The following ACTA2 variants were observed in gnomAD, a reference collection of about 807,000 sequenced individuals.
ACTA2 encodes the protein actin alpha 2, smooth muscle, also known as actin, aortic smooth muscle.
A neutral mutation model predicts 39.5 loss-of-function variants in ACTA2; 12 were observed. That is an observed-to-expected ratio of 0.30 (90% CI 0.19 to 0.49). ACTA2 has a LOEUF of 0.49. Among genes scored for constraint, ACTA2 ranks in the 20% least tolerant of loss-of-function variants. The probability of loss-of-function intolerance (pLI) is 0.99; values close to 1 mark genes in which losing one functional copy is unlikely to be tolerated. For synonymous variants in ACTA2, 158 were observed against 180.6 expected (o/e 0.88, Z 1.00); for missense variants, 236 against 498.8 (o/e 0.47, Z 5.02).
chr10:88,991,130 G>T (rs868444365), exon 1 of ACTA2: 6 of 623,800 alleles, frequency 9.6e-6, no homozygotes, highest in Non-Finnish European at 1.4e-5. Flanking sequence ...TGCTTTTCTT[G>T]GGCCTTGATG....
intron 1 of ACTA2, chr10:88,989,423 G>A (rs1379519331): frequency 1.9e-6 from 1 of 521,632 alleles, no homozygotes; most frequent in Admixed American, 2.0e-5. Context: ...TACAGAGAAT[G>A]CCCATATACC....
At position 88,937,473 on chromosome 10, in the gene ACTA2, C is replaced by G. The variant is rs568487144; in HGVS notation, c.990+588G>C. ...TCCCCGAGTTCCCTTCACTAGGGCT[C>G]AACATTCACACCACATACAGGGGTC... On this transcript the variant is annotated intron_variant, in intron 8 of 8. Coordinates refer to ENST00000224784, the MANE Select transcript of ACTA2 (RefSeq NM_001613.4). Among the ~76,000 whole-genome samples the G allele has an allele frequency of 3.5e-4, 54 of 152,314 alleles. 1 individual carries two copies. The highest frequency in any genetic ancestry group is 1.3e-3 in the African/African-American group (54 of 41,570).
At chr10:88,985,242 A>G (rs1466484167) in intron 1 of ACTA2, among the ~76,000 whole-genome samples, 1 of 152,196 alleles carries the variant, frequency 6.6e-6, no homozygotes, top group Admixed American at 6.5e-5. Flanking sequence ...CATCTAGTGA[A>G]GTAACTGAAC....
chr10:88,984,248 A>G (rs1846806092), intron 1 of ACTA2, among the ~76,000 whole-genome samples: 1 of 152,230 alleles, frequency 6.6e-6, no homozygotes, highest in South Asian at 2.1e-4. Flanking sequence ...AGTAGGAGCC[A>G]GTGCTGGAAG....
At chr10:88,941,896 T>TA (rs758676977) in intron 4 of ACTA2, 27 bp from the exon 5 acceptor site, 1 of 1,590,928 alleles carries the variant, frequency 6.3e-7, no homozygotes, top group East Asian at 2.3e-5. Context: ...AGAGCTGAGT[T>TA]AGTGAAGGTG....
At chr10:88,943,494 A>G (rs745662818) in intron 4 of ACTA2, among the ~76,000 whole-genome samples, 31 of 152,204 alleles carry the variant, frequency 2.0e-4, no homozygotes, top group Non-Finnish European at 4.4e-4. Flanking sequence ...CCAAATTCCT[A>G]TTGTATGTGA....
chr10:88,959,577 T>C (rs1322677863), intron 1 of ACTA2, among the ~76,000 whole-genome samples: 1 of 152,218 alleles, frequency 6.6e-6, no homozygotes, highest in African/African-American at 2.4e-5. Context: ...GTTGTGAAGA[T>C]AATACAGAGA....
At chr10:88,972,570 T>C (rs1353633038) in intron 1 of ACTA2, among the ~76,000 whole-genome samples, 1 of 152,192 alleles carries the variant, frequency 6.6e-6, no homozygotes, top group African/African-American at 2.4e-5. Context: ...CTAAATTTCA[T>C]TGTAATTTAT....
intron 7 of ACTA2, among the ~76,000 whole-genome samples, chr10:88,938,743 G>A (rs1231696423): frequency 6.6e-6 from 1 of 151,510 alleles, no homozygotes; most frequent in Non-Finnish European, 1.5e-5. Context: ...TTTTTGGGTG[G>A]GGGTGGGGGT....
chr10:88,944,207 C>T (rs1042075190), intron 3 of ACTA2, among the ~76,000 whole-genome samples: 4 of 152,134 alleles, frequency 2.6e-5, no homozygotes, highest in Non-Finnish European at 4.4e-5. Flanking sequence ...AAGCCCAGCT[C>T]GGACACTTCT....
intron 6 of ACTA2, chr10:88,940,921 C>A (rs1845835250): frequency 2.2e-5 from 8 of 368,682 alleles, no homozygotes; most frequent in South Asian, 1.7e-4. Flanking sequence ...AATCACCACA[C>A]CATGCCATCT....
chr10:88,958,488 A>C (rs1296979872), intron 1 of ACTA2, among the ~76,000 whole-genome samples: 1 of 152,176 alleles, frequency 6.6e-6, no homozygotes, highest in Non-Finnish European at 1.5e-5. Context: ...AGAGCTGGTA[A>C]GTGGTAGAGC....
intron 1 of ACTA2, chr10:88,989,450 T>A (rs779864987): frequency 3.7e-6 from 2 of 540,284 alleles, no homozygotes; most frequent in South Asian, 2.8e-5. Flanking sequence ...CTTATCCCAC[T>A]TCTTTTTGTG....
At chr10:88,972,523 T>A (rs1846471153) in intron 1 of ACTA2, among the ~76,000 whole-genome samples, 1 of 152,186 alleles carries the variant, frequency 6.6e-6, no homozygotes. Context: ...TTCTCTTTCT[T>A]CTCTCCTGCC....
intron 4 of ACTA2, 136 bp downstream of exon 4, chr10:88,943,661 C>A: frequency 1.3e-6 from 1 of 752,814 alleles, no homozygotes; most frequent in Non-Finnish European, 2.4e-6. Context: ...CCTTTGGGAT[C>A]CCTGAGTTCA....
chr10:88,963,916 C>T (rs1846278276), intron 1 of ACTA2, among the ~76,000 whole-genome samples: 1 of 152,120 alleles, frequency 6.6e-6, no homozygotes, highest in Admixed American at 6.6e-5. Flanking sequence ...GTTTCTAATC[C>T]TCTTTTAGCT....
In ACTA2 at chr10:88,948,782, C is replaced by T. The variant is rs747156175; in HGVS notation, c.129+20G>A. ...AACCTAATCTGTGTCCTGTTATGTT[C>T]CAATCATAATTTTCCTCACCTGATG... On this transcript the variant is annotated intron_variant, in intron 2 of 8. Transcript: ENST00000224784. 1.2e-6 allele frequency: 2 copies of T among 1,613,640 alleles called. No homozygotes were observed. The highest frequency in any genetic ancestry group is 3.3e-5 in the Admixed American group (2 of 60,010).
At chr10:88,961,258 A>AG (rs1846222523) in intron 1 of ACTA2, among the ~76,000 whole-genome samples, 1 of 152,224 alleles carries the variant, frequency 6.6e-6, no homozygotes, top group Non-Finnish European at 1.5e-5. Context: ...AGCAACACAG[A>AG]GGACAGATTG....
intron 1 of ACTA2, among the ~76,000 whole-genome samples, chr10:88,966,186 A>G (rs1196868374): frequency 6.6e-6 from 1 of 152,234 alleles, no homozygotes; most frequent in Non-Finnish European, 1.5e-5. Flanking sequence ...TAAGAAGGGA[A>G]TGTGATACTG....
Sources: gnomAD v4.1 joint callset for allele counts (sites outside exome capture counted in the v4.1 genomes callset) on GRCh38, gnomAD v4.1.1 for gene constraint, MANE v1.5 for transcripts, NCBI Gene and HGNC (gene_info 2026-07-23, HGNC 2026-07-21) for gene names.